Variants in ACSL6 observed in about 807,000 individuals in gnomAD.
ACSL6 encodes long-chain-fatty-acid--CoA ligase 6.
ACSL6 carries 47 observed loss-of-function variants against 98.2 expected under a neutral mutation model. The observed-to-expected ratio is 0.48, with a 90% confidence interval of 0.38 to 0.61. ACSL6 has a LOEUF of 0.61. ACSL6 is among the 20% of genes least tolerant of loss of function. The probability of loss-of-function intolerance (pLI) is 0.00; values close to 1 mark genes in which losing one functional copy is unlikely to be tolerated. For synonymous variants in ACSL6, 362 were observed against 336.9 expected, an observed-to-expected ratio of 1.07 and a Z score of -0.82; for missense variants, 761 against 913.4, an observed-to-expected ratio of 0.83 and a Z score of 2.15.
At chr5:131,960,737 A>G in intron 18 of ACSL6, 116 bp from the exon 19 acceptor site, 1 of 685,892 alleles carries the variant, frequency 1.5e-6, no homozygotes, top group Non-Finnish European at 2.4e-6. Flanking sequence ...GTATATGTTT[A>G]TAAAACATTT....
chr5:131,968,681 C>T (rs1753150495), intron 15 of ACSL6, among the ~76,000 whole-genome samples: 1 of 152,172 alleles, frequency 6.6e-6, no homozygotes, highest in Admixed American at 6.5e-5. Flanking sequence ...CACAAAATTA[C>T]ATCTAAGTCA....
At chr5:131,977,874 A>AAG (rs368358122) in intron 9 of ACSL6, among the ~76,000 whole-genome samples, 175 of 150,138 alleles carry the variant, frequency 1.2e-3, no homozygotes, top group South Asian at 2.3e-3. Flanking sequence ...TGGGGAGAGA[A>AAG]AGAGAGAGAG....
At position 131,988,114 on chromosome 5, in the gene ACSL6, G is replaced by C. The variant is rs374665597; in HGVS notation, c.765C>G (p.Phe255Leu). 6.2e-7 allele frequency: 1 copy of C among 1,614,126 alleles called. No homozygotes were observed. Among genetic ancestry groups the C allele is most frequent in the East Asian group, 2.2e-5 (1 of 44,886 alleles). The stretch of plus-strand genomic sequence containing the variant: ...GCCCTCTCTCTTTCAGGGCTTCTTC[G>C]AATGGGTCCATGAGGATGATCAGCT... ...GLKLIILMDP[F>L]EEALKERGQK... The change falls in exon 7 of 21, where the codon TTC becomes TTG. Residue 255 changes from phenylalanine (F) to leucine (L), a missense_variant. Physicochemically the swap from Phe to Leu is conservative, Grantham distance 22 (BLOSUM62 0). Transcript: ENST00000651883.
At chr5:131,960,203 CCAGCTGTGTG>C (rs1258798440) in intron 19 of ACSL6, among the ~76,000 whole-genome samples, 1 of 152,184 alleles carries the variant, frequency 6.6e-6, no homozygotes, top group Non-Finnish European at 1.5e-5. Context: ...CTGCTGCTAA[CCAGCTGTGTG>C]ACCTCGGGCA....
intron 1 of ACSL6, among the ~76,000 whole-genome samples, chr5:132,007,650 CAT>C (rs1338099738): frequency 6.6e-6 from 1 of 152,160 alleles, no homozygotes; most frequent in Non-Finnish European, 1.5e-5. Flanking sequence ...TTTGGAGAAT[CAT>C]AGACAGGGTG....
intron 17 of ACSL6, among the ~76,000 whole-genome samples, chr5:131,963,236 G>T (rs540739516): frequency 6.6e-6 from 1 of 152,274 alleles, no homozygotes; most frequent in African/African-American, 2.4e-5. Context: ...GCCCCTGTAG[G>T]ACTTCTGCAG....
intron 9 of ACSL6, 183 bp downstream of exon 9, chr5:131,985,224 G>A (rs939003811): frequency 1.7e-5 from 12 of 701,018 alleles, no homozygotes; most frequent in African/African-American, 1.4e-4. Context: ...CTATCCATCT[G>A]CATCTGGCCA....
intron 17 of ACSL6, among the ~76,000 whole-genome samples, chr5:131,963,776 T>A (rs971906325): frequency 1.3e-5 from 2 of 152,088 alleles, no homozygotes; most frequent in Admixed American, 1.3e-4. Context: ...GAGCAATCTC[T>A]CCAAAAGAGA....
chr5:131,976,084 C>G, intron 10 of ACSL6: 1 of 985,484 alleles, frequency 1.0e-6, no homozygotes, highest in Non-Finnish European at 1.2e-6. Flanking sequence ...AGGACATACT[C>G]ACCACTTGTG....
intron 1 of ACSL6, among the ~76,000 whole-genome samples, chr5:132,000,425 TG>T (rs1378158125): frequency 6.6e-6 from 1 of 151,292 alleles, no homozygotes; most frequent in East Asian, 1.9e-4. Context: ...AGCTGAGCTC[TG>T]AAGTCCTGCA....
chr5:131,956,402 G>C (rs182783491), intron 20 of ACSL6, among the ~76,000 whole-genome samples: 11 of 152,226 alleles, frequency 7.2e-5, no homozygotes, highest in Non-Finnish European at 1.3e-4. Context: ...AAATAGTTCT[G>C]CCTGAGAAGA....
chr5:131,970,403 G>T (rs1243921022), intron 14 of ACSL6, among the ~76,000 whole-genome samples: 1 of 151,522 alleles, frequency 6.6e-6, no homozygotes, highest in Non-Finnish European at 1.5e-5. Flanking sequence ...TTGCTTGGAA[G>T]AAGTGCTATT....
At chr5:131,958,644 A>G (rs1277244070) in intron 20 of ACSL6, among the ~76,000 whole-genome samples, 1 of 152,162 alleles carries the variant, frequency 6.6e-6, no homozygotes, top group Non-Finnish European at 1.5e-5. Context: ...GTTTGAAACT[A>G]AAAAATAAAA....
At chr5:131,993,912 G>T in intron 2 of ACSL6, 119 bp downstream of exon 2, 1 of 1,064,572 alleles carries the variant, frequency 9.4e-7, no homozygotes, top group East Asian at 2.6e-5. Context: ...TGACTGCCAG[G>T]GGAGACACCT....
At chr5:131,966,332 G>T in intron 17 of ACSL6, 84 bp downstream of exon 17, 3 of 1,341,076 alleles carry the variant, frequency 2.2e-6, no homozygotes, top group East Asian at 2.3e-5. Flanking sequence ...GGGGGATTTG[G>T]AGAAGACTCC....
chr5:131,985,483 G>A (rs1459356149), intron 8 of ACSL6, 25 bp from the exon 9 acceptor site: 2 of 1,613,146 alleles, frequency 1.2e-6, no homozygotes, highest in South Asian at 1.1e-5. Context: ...AGAGGAGTGT[G>A]TTAGGGAGAC....
At position 131,990,818 on chromosome 5, in the gene ACSL6, A is replaced by G. The variant is rs1282023173; in HGVS notation, c.385+35T>C. On this transcript the variant is annotated intron_variant, in intron 3 of 20. Coordinates refer to ENST00000651883, the MANE Select transcript of ACSL6 (RefSeq NM_001009185.3). ...TGCACCCACTCCACCCCTGCCACAC[A>G]GCCCCTCCACACCCCCCCCCACAAC... The G allele has an allele frequency of 3.3e-6, 5 of 1,493,884 alleles. No homozygotes were observed. In the African/African-American group the frequency reaches 8.3e-5, roughly 25 times the overall value. 92.5% of individuals were successfully genotyped at this position (1,493,884 alleles called of 1,614,324 possible).
intron 20 of ACSL6, among the ~76,000 whole-genome samples, chr5:131,955,590 G>A (rs1466216029): frequency 6.6e-6 from 1 of 152,142 alleles, no homozygotes; most frequent in African/African-American, 2.4e-5. Context: ...AATGGAGAAG[G>A]GTGGGAAGAT....
intron 20 of ACSL6, among the ~76,000 whole-genome samples, chr5:131,955,667 A>G (rs1418900736): frequency 1.3e-5 from 2 of 152,224 alleles, no homozygotes; most frequent in African/African-American, 4.8e-5. Context: ...AACCAACCTG[A>G]GTAGCACTGC....
Sources: gnomAD v4.1 joint callset for allele counts (sites outside exome capture counted in the v4.1 genomes callset) on GRCh38, gnomAD v4.1.1 for gene constraint, MANE v1.5 for transcripts, NCBI Gene and HGNC (gene_info 2026-07-23, HGNC 2026-07-21) for gene names.